RBPMS: variants seen among roughly 807,000 people sequenced by gnomAD.
RBPMS encodes the protein RNA-binding protein with multiple splicing.
RBPMS carries 7 observed loss-of-function variants against 26.8 expected under a neutral mutation model. That is an observed-to-expected ratio of 0.26 (90% confidence interval 0.15 to 0.49). The LOEUF is 0.49. RBPMS is among the 20% of genes least tolerant of loss of function. RBPMS has a pLI of 0.98. For missense variants in RBPMS, 186 were observed against 250.0 expected (o/e 0.74, Z 1.73); for synonymous variants, 96 against 93.3 (o/e 1.03, Z -0.17).
chr8:30,513,587 CAAAAAAAA>C (rs56184994), intron 5 of RBPMS, among the ~76,000 whole-genome samples: 5 of 108,520 alleles, frequency 4.6e-5, no homozygotes, highest in East Asian at 2.8e-4. Context: ...GACTCCATCT[CAAAAAAAA>C]AAAAAAAAAA....
intron 1 of RBPMS, among the ~76,000 whole-genome samples, chr8:30,459,560 A>G (rs547476486): frequency 6.6e-6 from 1 of 152,184 alleles, no homozygotes; most frequent in Admixed American, 6.5e-5. Context: ...GGTGACCTCT[A>G]TGCTTTTAAC....
intron 4 of RBPMS, among the ~76,000 whole-genome samples, chr8:30,483,453 T>A (rs766584329): frequency 6.6e-6 from 1 of 152,168 alleles, no homozygotes; most frequent in African/African-American, 2.4e-5. Flanking sequence ...TACTCATTAA[T>A]CTAAGTGATC....
chr8:30,463,101 G>A (rs1053313851), intron 1 of RBPMS, among the ~76,000 whole-genome samples: 2 of 152,050 alleles, frequency 1.3e-5, no homozygotes, highest in African/African-American at 4.8e-5. Flanking sequence ...GATTGCCTTT[G>A]GTACATGAAA....
At chr8:30,515,605 T>C (rs866993002) in intron 5 of RBPMS, among the ~76,000 whole-genome samples, 1 of 152,248 alleles carries the variant, frequency 6.6e-6, no homozygotes, top group Admixed American at 6.5e-5. Context: ...TATCTTTTTT[T>C]CTAAATATGT....
At chr8:30,471,351 C>A (rs1308926096) in intron 1 of RBPMS, among the ~76,000 whole-genome samples, 1 of 152,124 alleles carries the variant, frequency 6.6e-6, no homozygotes. Flanking sequence ...CCCCAGATTT[C>A]AAGTAACCTC....
intron 2 of RBPMS, among the ~76,000 whole-genome samples, chr8:30,477,291 C>T (rs913574496): frequency 7.3e-5 from 11 of 151,174 alleles, no homozygotes; most frequent in African/African-American, 2.2e-4. Flanking sequence ...CCTCATGATC[C>T]GCCCGCCTTG....
At chr8:30,423,463 C>T (rs1811020012) in intron 1 of RBPMS, among the ~76,000 whole-genome samples, 1 of 152,154 alleles carries the variant, frequency 6.6e-6, no homozygotes, top group Admixed American at 6.5e-5. Context: ...CTGGCAAATC[C>T]TGAGTTAGGC....
intron 5 of RBPMS, among the ~76,000 whole-genome samples, chr8:30,515,454 CTG>C (rs1276316527): frequency 1.3e-5 from 2 of 152,144 alleles, no homozygotes; most frequent in African/African-American, 4.8e-5. Context: ...ATGCATGTCT[CTG>C]TGAGACCATA....
At chr8:30,530,927 C>A (rs2979508) in intron 5 of RBPMS, among the ~76,000 whole-genome samples, 1 of 152,112 alleles carries the variant, frequency 6.6e-6, no homozygotes, top group South Asian at 2.1e-4. Flanking sequence ...GATCTACCTA[C>A]CAAAACATTA....
At chr8:30,549,400 G>C (rs1563438806) in intron 6 of RBPMS, 2 of 973,154 alleles carry the variant, frequency 2.1e-6, no homozygotes, top group African/African-American at 3.2e-5. Flanking sequence ...GGACTGCAGA[G>C]CTTGCCTTTG....
chr8:30,414,224 A>G (rs1469756738), intron 1 of RBPMS, among the ~76,000 whole-genome samples: 1 of 150,414 alleles, frequency 6.6e-6, no homozygotes. Flanking sequence ...TCTTTTCGCC[A>G]GGGCAGATAG....
intron 1 of RBPMS, among the ~76,000 whole-genome samples, chr8:30,434,164 G>A (rs1331309531): frequency 1.3e-5 from 2 of 151,888 alleles, no homozygotes; most frequent in African/African-American, 2.4e-5. Context: ...GTCCTGGGTC[G>A]ATAAGTGACT....
intron 4 of RBPMS, among the ~76,000 whole-genome samples, chr8:30,496,672 T>C (rs1819995211): frequency 6.6e-6 from 1 of 152,238 alleles, no homozygotes; most frequent in Non-Finnish European, 1.5e-5. Flanking sequence ...TCTTTACTCA[T>C]AGTTTTCTAT....
intron 1 of RBPMS, among the ~76,000 whole-genome samples, chr8:30,389,702 G>A (rs1177915210): frequency 6.6e-6 from 1 of 152,138 alleles, no homozygotes; most frequent in Non-Finnish European, 1.5e-5. Flanking sequence ...ATGGGAAACT[G>A]CTAACTAAAT....
At chr8:30,466,316 G>A (rs1481469919) in intron 1 of RBPMS, among the ~76,000 whole-genome samples, 3 of 152,174 alleles carry the variant, frequency 2.0e-5, no homozygotes, top group African/African-American at 7.2e-5. Context: ...GGTAGGCTAA[G>A]GTATGAAGAT....
intron 1 of RBPMS, among the ~76,000 whole-genome samples, chr8:30,385,832 T>G (rs1367401295): frequency 6.6e-6 from 1 of 152,160 alleles, no homozygotes; most frequent in East Asian, 1.9e-4. Context: ...GACTTTGACT[T>G]CTGAGCATGC....
chr8:30,451,633 A>G lies in RBPMS; in HGVS notation c.67-23146A>G, dbSNP rs112250089. On this transcript the variant is annotated intron_variant, in intron 1 of 8. Transcript: ENST00000397323. Reference sequence around the variant, plus strand: ...TAGTGTCTTTCTCAGGGAAACTGCCATTTTACTGATTTTTTTCCCAGCAGG... The same window carrying G: ...TAGTGTCTTTCTCAGGGAAACTGCCGTTTTACTGATTTTTTTCCCAGCAGG... 7.2e-3 allele frequency among the ~76,000 whole-genome samples: 1,102 copies of G among 152,246 alleles called. 9 individuals carry two copies. Among genetic ancestry groups the G allele is most frequent in the African/African-American group, 0.024 (1,013 of 41,562 alleles).
chr8:30,533,116 T>G (rs751454040), intron 5 of RBPMS, among the ~76,000 whole-genome samples: 3 of 152,238 alleles, frequency 2.0e-5, no homozygotes, highest in Non-Finnish European at 2.9e-5. Flanking sequence ...TGGTCATAAC[T>G]TCATTTAAGA....
In RBPMS at chr8:30,384,671, C is replaced by A. The variant is rs867992969; in HGVS notation, c.-422C>A. On this transcript the variant is annotated 5_prime_UTR_variant, in exon 1 of 9. Coordinates refer to ENST00000397323, the MANE Select transcript of RBPMS (RefSeq NM_001008710.3). The surrounding 1 kb of genome is among the most constrained non-coding windows in gnomAD (Gnocchi z 5.6). ...CCTCTCTAGGCACCCCCGTCCCCTC[C>A]TTCCAGCGGCTGCAGCCCCCAGCCC... is the stretch of plus-strand genomic sequence containing the variant. 79 of 163,924 alleles carry A rather than the reference C, an allele frequency of 4.8e-4. No homozygotes were observed. The highest frequency in any genetic ancestry group is 5.0e-3 in the Middle Eastern group (2 of 400). 10.2% of individuals were successfully genotyped at this position (163,924 alleles called of 1,614,324 possible).
Sources: allele counts gnomAD v4.1 joint callset (sites outside exome capture counted in the v4.1 genomes callset), GRCh38; gene constraint gnomAD v4.1.1; non-coding constraint Gnocchi (gnomAD v3.1); transcripts MANE v1.5; gene names NCBI Gene and HGNC (gene_info 2026-07-23, HGNC 2026-07-21).